The following APBA1 variants were observed in gnomAD, a reference collection of about 807,000 sequenced individuals.
The protein encoded by APBA1 is amyloid-beta A4 precursor protein-binding family A member 1.
A neutral mutation model predicts 86.6 loss-of-function variants in APBA1; 55 were observed. That is an observed-to-expected ratio of 0.64 (90% confidence interval 0.51 to 0.80). The LOEUF (loss-of-function observed/expected upper bound fraction) is 0.80. Among genes scored for constraint, APBA1 ranks in the 30% least tolerant of loss-of-function variants. The pLI is 0.00. For missense variants in APBA1, 1,090 were observed against 1,183.0 expected (o/e 0.92, Z 1.15); for synonymous variants, 511 against 493.9 (o/e 1.03, Z -0.46).
chr9:69,570,977 T>C (rs760704147), intron 1 of APBA1, among the ~76,000 whole-genome samples: 1 of 152,208 alleles, frequency 6.6e-6, no homozygotes, highest in Admixed American at 6.5e-5. Flanking sequence ...TATCACTTCT[T>C]ACATTGACAA....
intron 1 of APBA1, among the ~76,000 whole-genome samples, chr9:69,571,242 G>A (rs181079972): frequency 3.3e-4 from 51 of 152,272 alleles, no homozygotes; most frequent in African/African-American, 1.2e-3. Flanking sequence ...TTAGAGAAAA[G>A]GAGAAATTGC....
intron 1 of APBA1, among the ~76,000 whole-genome samples, chr9:69,542,841 A>G (rs1836636562): frequency 6.6e-6 from 1 of 152,226 alleles, no homozygotes; most frequent in African/African-American, 2.4e-5. Context: ...GAAGGACAGT[A>G]TTTCACCCTA....
chr9:69,461,931 G>T lies in APBA1; in HGVS notation c.1483-3743C>A, dbSNP rs1835197992. On this transcript the variant is annotated intron_variant, in intron 5 of 12. Coordinates refer to ENST00000265381, the MANE Select transcript of APBA1 (RefSeq NM_001163.4). Reference sequence around the variant, plus strand: ...GATCATAGATTTCTTCAACTAAGCTGGGAAATGCTACAACTTAGGCAAAGC... The same window carrying T: ...GATCATAGATTTCTTCAACTAAGCTTGGAAATGCTACAACTTAGGCAAAGC... 6 of 152,126 alleles carry T rather than the reference G, an allele frequency of 3.9e-5. No individual in the cohort carries two copies. In the South Asian group the frequency reaches 1.2e-3, roughly 32 times the overall value. 9.4% of individuals were successfully genotyped at this position (152,126 alleles called of 1,614,324 possible).
intron 11 of APBA1, among the ~76,000 whole-genome samples, chr9:69,439,535 T>G (rs1384679710): frequency 1.3e-5 from 2 of 152,222 alleles, no homozygotes; most frequent in Non-Finnish European, 2.9e-5. Flanking sequence ...TTTCATTCAT[T>G]TCATCTTCCA....
intron 1 of APBA1, among the ~76,000 whole-genome samples, chr9:69,562,092 AGTAGGCCTAATAATATTTTCCAT>A (rs1836955359): frequency 6.6e-6 from 1 of 152,156 alleles, no homozygotes; most frequent in Non-Finnish European, 1.5e-5. Flanking sequence ...GTACTCTCAA[AGTAGGCCTAATAATATTTTCCAT>A]GTACATTCAA....
In APBA1 at chr9:69,511,530, C is replaced by A. The variant is rs922228734; in HGVS notation, c.1200+4481G>T. On this transcript the variant is annotated intron_variant, in intron 2 of 12. Coordinates refer to ENST00000265381, the MANE Select transcript of APBA1 (RefSeq NM_001163.4). ...GTCAGTGTGGCGATTCCTCAGGGAT[C>A]TAGAACTAGAAATACCATTTGACCC... is the stretch of plus-strand genomic sequence containing the variant. Among the ~76,000 whole-genome samples the A allele has an allele frequency of 8.3e-4, 126 of 151,996 alleles. 1 individual carries two copies. The highest frequency in any genetic ancestry group is 2.9e-3 in the African/African-American group (120 of 41,364).
chr9:69,475,080 T>C (rs985969114), intron 3 of APBA1, among the ~76,000 whole-genome samples: 1 of 152,180 alleles, frequency 6.6e-6, no homozygotes, highest in African/African-American at 2.4e-5. Context: ...TGTTGGCTCA[T>C]TAGCAGGTGT....
chr9:69,476,206 G>C, intron 2 of APBA1, 63 bp from the exon 3 acceptor site: 1 of 1,237,972 alleles, frequency 8.1e-7, no homozygotes, highest in Non-Finnish European at 1.2e-6. Flanking sequence ...CTTGGCTGGG[G>C]GAAAGGGGCC....
chr9:69,496,247 G>C (rs1369755833), intron 2 of APBA1, among the ~76,000 whole-genome samples: 1 of 152,116 alleles, frequency 6.6e-6, no homozygotes, highest in Non-Finnish European at 1.5e-5. Flanking sequence ...TGTGGCGATG[G>C]GGAAGGATGT....
chr9:69,451,845 C>T (rs1057498947), intron 9 of APBA1, among the ~76,000 whole-genome samples: 1 of 152,202 alleles, frequency 6.6e-6, no homozygotes, highest in Non-Finnish European at 1.5e-5. Context: ...AAGCAGAGTT[C>T]AGGTCCTATC....
intron 1 of APBA1, among the ~76,000 whole-genome samples, chr9:69,650,720 G>A (rs1344492400): frequency 6.6e-6 from 1 of 152,232 alleles, no homozygotes; most frequent in East Asian, 1.9e-4. Context: ...AACTGAGCTG[G>A]ACAACAAAAT....
chr9:69,431,124 G>A lies in APBA1; in HGVS notation c.*203C>T, dbSNP rs1105307. ...TCTCCATCCTCAAGGGAGTGCATAC[G>A]AAACTTCCCTGGTATTGAAAAAAAA... On this transcript the variant is annotated 3_prime_UTR_variant, in exon 13 of 13. Transcript: ENST00000265381. 0.27 allele frequency: 116,819 copies of A among 436,160 alleles called. 17,767 individuals carry two copies. Among genetic ancestry groups the A allele is most frequent in the East Asian group, 0.41 (9,450 of 23,268 alleles). 27.0% of individuals were successfully genotyped at this position (436,160 alleles called of 1,614,324 possible).
intron 1 of APBA1, among the ~76,000 whole-genome samples, chr9:69,557,101 T>G (rs1836874900): frequency 6.6e-6 from 1 of 152,182 alleles, no homozygotes; most frequent in Non-Finnish European, 1.5e-5. Context: ...AAATCTAGAA[T>G]ATTGTATCCA....
chr9:69,436,575 C>T (rs1012079081), intron 11 of APBA1, among the ~76,000 whole-genome samples: 1 of 101,660 alleles, frequency 9.8e-6, no homozygotes, highest in Non-Finnish European at 2.1e-5. Flanking sequence ...ATTTGGCTCT[C>T]TGTTTGTTGT....
At chr9:69,599,002 T>C (rs1335851352) in intron 1 of APBA1, among the ~76,000 whole-genome samples, 1 of 152,198 alleles carries the variant, frequency 6.6e-6, no homozygotes, top group African/African-American at 2.4e-5. Flanking sequence ...TCCACCTATA[T>C]GAGGAAGCTA....
At chr9:69,533,534 G>A (rs1166131999) in intron 1 of APBA1, among the ~76,000 whole-genome samples, 1 of 152,168 alleles carries the variant, frequency 6.6e-6, no homozygotes, top group African/African-American at 2.4e-5. Flanking sequence ...TTCAGCTGCT[G>A]AAGGAATTTT....
chr9:69,450,415 T>C (rs928563), intron 9 of APBA1, among the ~76,000 whole-genome samples: 49,724 of 151,938 alleles, frequency 0.33, 8,692 homozygotes, highest in East Asian at 0.46. Context: ...GGGTTGATGT[T>C]GGATACTTGC....
chr9:69,432,796 G>T, intron 11 of APBA1, 120 bp from the exon 12 acceptor site: 1 of 1,062,400 alleles, frequency 9.4e-7, no homozygotes, highest in Non-Finnish European at 1.3e-6. Flanking sequence ...ACATGGTTAG[G>T]CTTTGGGCAT....
At chr9:69,456,967 A>C in intron 7 of APBA1, 86 bp downstream of exon 7, 1 of 1,159,086 alleles carries the variant, frequency 8.6e-7, no homozygotes, top group Non-Finnish European at 1.3e-6. Context: ...TGCTCTACAG[A>C]CACATGCCTG....
Sources: gnomAD v4.1 joint callset for allele counts (sites outside exome capture counted in the v4.1 genomes callset) on GRCh38, gnomAD v4.1.1 for gene constraint, MANE v1.5 for transcripts, NCBI Gene and HGNC (gene_info 2026-07-23, HGNC 2026-07-21) for gene names.